Variants in CLINT1 observed in about 807,000 individuals in gnomAD.
The protein encoded by CLINT1 is clathrin interactor 1.
A neutral mutation model predicts 70.4 loss-of-function variants in CLINT1; 15 were observed. The observed-to-expected ratio is 0.21, with a 90% CI of 0.14 to 0.33. The LOEUF is 0.33. CLINT1 is among the 10% of genes least tolerant of loss of function. The probability of loss-of-function intolerance (pLI) is 1.00; values close to 1 mark genes in which losing one functional copy is unlikely to be tolerated. For synonymous variants in CLINT1, 227 were observed against 254.7 expected (o/e 0.89, Z 1.04); for missense variants, 615 against 778.1 (o/e 0.79, Z 2.49).
intron 1 of CLINT1, among the ~76,000 whole-genome samples, chr5:157,844,853 T>C (rs1581540448): frequency 2.0e-5 from 3 of 152,332 alleles, no homozygotes; most frequent in East Asian, 3.9e-4. Context: ...TTTTTTACAA[T>C]TGCTTACAGA....
At chr5:157,815,382 G>A (rs1308919246) in intron 3 of CLINT1, among the ~76,000 whole-genome samples, 1 of 147,214 alleles carries the variant, frequency 6.8e-6, no homozygotes, top group Non-Finnish European at 1.5e-5. Flanking sequence ...AATGGGTGTA[G>A]GGTTTCTTTA....
chr5:157,837,649 C>CCCTTTTTTTTT (rs1763471897), intron 1 of CLINT1, among the ~76,000 whole-genome samples: 3 of 138,554 alleles, frequency 2.2e-5, no homozygotes, highest in African/African-American at 8.3e-5. Context: ...AGCTCTTTTA[C>CCCTTTTTTTTT]TTTTTTTTTT....
chr5:157,805,688 G>T (rs567711802), intron 7 of CLINT1, among the ~76,000 whole-genome samples, 178 bp downstream of exon 7: 2 of 152,154 alleles, frequency 1.3e-5, no homozygotes, highest in African/African-American at 4.8e-5. Context: ...TTCAGCAATT[G>T]GACAGGTTTC....
rs113214209 is a variant in CLINT1, at chr5:157,851,323, A to G, written c.41+7607T>C. Among the ~76,000 whole-genome samples, 1,089 of 152,292 alleles carry G rather than the reference A, an allele frequency of 7.2e-3. 13 individuals carry two copies. Among genetic ancestry groups the G allele is most frequent in the African/African-American group, 0.025 (1,042 of 41,552 alleles). On this transcript the variant is annotated intron_variant, in intron 1 of 11. Transcript: ENST00000411809. Reference sequence around the variant, plus strand: ...AGTGTGTGCAAAATTATAAAAGATTATTTATATTAAAGTTATCTAGAACTT... The same window carrying G: ...AGTGTGTGCAAAATTATAAAAGATTGTTTATATTAAAGTTATCTAGAACTT...
chr5:157,808,475 G>A (rs1762452429), intron 6 of CLINT1, among the ~76,000 whole-genome samples: 1 of 151,970 alleles, frequency 6.6e-6, no homozygotes, highest in Non-Finnish European at 1.5e-5. Context: ...CTGGGTTTTA[G>A]GTTTTACTTA....
At chr5:157,789,263 A>G (rs1476831572) in intron 11 of CLINT1, 100 bp downstream of exon 11, 3 of 1,044,472 alleles carry the variant, frequency 2.9e-6, no homozygotes, top group Non-Finnish European at 4.5e-6. Context: ...AACTGTTACA[A>G]TTTATGTGAT....
intron 1 of CLINT1, among the ~76,000 whole-genome samples, chr5:157,856,150 T>C (rs1753753620): frequency 6.6e-6 from 1 of 152,226 alleles, no homozygotes; most frequent in South Asian, 2.1e-4. Context: ...TTACCACTTT[T>C]TAAGAAAATT....
intron 11 of CLINT1, among the ~76,000 whole-genome samples, chr5:157,788,511 C>G (rs1761796042): frequency 6.6e-6 from 1 of 151,998 alleles, no homozygotes; most frequent in Non-Finnish European, 1.5e-5. Context: ...TAGCTGGAAA[C>G]AATTGAAATA....
At chr5:157,793,457 T>G (rs142153609) in intron 9 of CLINT1, among the ~76,000 whole-genome samples, 31 of 152,324 alleles carry the variant, frequency 2.0e-4, no homozygotes, top group African/African-American at 6.3e-4. Context: ...TATTCAGAAA[T>G]GATTAATCAT....
intron 1 of CLINT1, among the ~76,000 whole-genome samples, chr5:157,829,996 T>A (rs1209917854): frequency 6.6e-6 from 1 of 151,294 alleles, no homozygotes; most frequent in Non-Finnish European, 1.5e-5. Flanking sequence ...TCACTCAGGC[T>A]GGAGTGCAGT....
chr5:157,789,788 T>G (rs1761846168), intron 10 of CLINT1: 1 of 529,622 alleles, frequency 1.9e-6, no homozygotes, highest in Non-Finnish European at 3.4e-6. Flanking sequence ...CACTAACAAT[T>G]ATTCTCCCAT....
chr5:157,827,759 C>T (rs1432208469), intron 1 of CLINT1, among the ~76,000 whole-genome samples: 1 of 152,150 alleles, frequency 6.6e-6, no homozygotes, highest in Non-Finnish European at 1.5e-5. Context: ...TCAGATTTTG[C>T]CCATTTTCAG....
intron 1 of CLINT1, among the ~76,000 whole-genome samples, chr5:157,839,906 T>C (rs1753092624): frequency 6.6e-6 from 1 of 151,998 alleles, no homozygotes; most frequent in African/African-American, 2.4e-5. Context: ...AACATCTTTG[T>C]ACCAGAAGCT....
At chr5:157,813,250 G>T in intron 4 of CLINT1, 23 bp from the exon 5 acceptor site, 1 of 1,595,660 alleles carries the variant, frequency 6.3e-7, no homozygotes. Flanking sequence ...TAAGAGATAA[G>T]CAAAACCTAA....
chr5:157,803,838 G>C (rs992038809), intron 7 of CLINT1, 119 bp from the exon 8 acceptor site: 2 of 593,418 alleles, frequency 3.4e-6, no homozygotes, highest in Non-Finnish European at 5.3e-6. Context: ...ATAAGGGTAG[G>C]GTTTTCTGGA....
chr5:157,790,816 A>AT (rs1224258708), intron 10 of CLINT1, among the ~76,000 whole-genome samples: 1 of 152,252 alleles, frequency 6.6e-6, no homozygotes, highest in Non-Finnish European at 1.5e-5. Context: ...AAAATAGTGA[A>AT]TTAAGAAGCT....
In CLINT1 at chr5:157,803,826, T is replaced by G. The variant is rs578101637; in HGVS notation, c.943-107A>C. 2.2e-5 allele frequency: 15 copies of G among 690,364 alleles called. No individual in the cohort carries two copies. The East Asian group carries it at 3.4e-4, about 16-fold the overall frequency. The allele number at this position is 690,364 out of a possible 1,614,324, so 42.8% of individuals were successfully genotyped here. A position where few individuals can be genotyped will look rare whatever the true frequency, so the allele number is the denominator to read the frequency against. ...TAGACATAAATACCTGTAATTAGCT[T>G]AATAAGGGTAGGGTTTTCTGGAAAA... On this transcript the variant is annotated intron_variant, in intron 7 of 11. Transcript: ENST00000411809.
rs566272647 is a variant in CLINT1, at chr5:157,843,764, A to C, written c.41+15166T>G. ...GGACAACATCTAAAAAAAGTAGTAA[A>C]ATCAGTTAGCCTTAAAAAAAGGCAT... On this transcript the variant is annotated intron_variant, in intron 1 of 11. Transcript: ENST00000411809. Among the ~76,000 whole-genome samples the C allele has an allele frequency of 2.9e-4, 44 of 152,332 alleles. No individual in the cohort carries two copies. In the South Asian group the frequency reaches 8.5e-3, roughly 29 times the overall value.
At chr5:157,813,286 C>T in intron 4 of CLINT1, 59 bp from the exon 5 acceptor site, 1 of 1,389,866 alleles carries the variant, frequency 7.2e-7, no homozygotes, top group Non-Finnish European at 9.5e-7. Context: ...GTATCAAGCT[C>T]TTTAAGATTA....
Sources: allele counts gnomAD v4.1 joint callset (sites outside exome capture counted in the v4.1 genomes callset), GRCh38; gene constraint gnomAD v4.1.1; transcripts MANE v1.5; gene names NCBI Gene and HGNC (gene_info 2026-07-23, HGNC 2026-07-21).